The following DLG2 variants were observed in gnomAD, a reference collection of about 807,000 sequenced individuals.
DLG2 encodes discs large MAGUK scaffold protein 2.
Under a neutral mutation model 132.5 loss-of-function variants are expected in DLG2, and 45 were observed. The observed-to-expected ratio is 0.34, with a 90% CI of 0.27 to 0.44. DLG2 has a LOEUF of 0.44. Among genes scored for constraint, DLG2 ranks in the 20% least tolerant of loss-of-function variants. The pLI is 1.00. For synonymous variants in DLG2, 424 were observed against 419.6 expected (o/e 1.01, Z -0.13); for missense variants, 1,045 against 1,196.9 (o/e 0.87, Z 1.87).
Position 83,789,945 on chromosome 11 carries a change from T to G in DLG2, c.1723-3153A>C, listed in dbSNP as rs759964463. On this transcript the variant is annotated intron_variant, in intron 17 of 27. Transcript: ENST00000376104. ...CAATCTCTTTTTCTTATTCCCAAAG[T>G]GCAAGATGCAGGGTTCTCAGTCTTT... The G allele has an allele frequency of 5.0e-6, 6 of 1,197,172 alleles. No individual in the cohort carries two copies. In the East Asian group the frequency reaches 1.1e-4, roughly 22 times the overall value. The allele number at this position is 1,197,172 out of a possible 1,614,324, so 74.2% of individuals were successfully genotyped here. A position where few individuals can be genotyped will look rare whatever the true frequency, so the allele number is the denominator to read the frequency against.
intron 15 of DLG2, among the ~76,000 whole-genome samples, chr11:83,898,375 T>G (rs2072395554): frequency 6.6e-6 from 1 of 152,090 alleles, no homozygotes. Context: ...CTAGGGAGCT[T>G]TAGTTAATAC....
intron 19 of DLG2, among the ~76,000 whole-genome samples, chr11:83,605,356 C>A (rs118117646): frequency 1.3e-5 from 2 of 152,058 alleles, no homozygotes; most frequent in Non-Finnish European, 2.9e-5. Flanking sequence ...ACGACCCACT[C>A]GGCAATGGTA....
chr11:84,580,367 T>C (rs2099513540), intron 6 of DLG2, among the ~76,000 whole-genome samples: 1 of 152,214 alleles, frequency 6.6e-6, no homozygotes, highest in Admixed American at 6.5e-5. Context: ...TGCTAACTCT[T>C]TGACTTGTAC....
At chr11:83,667,925 G>A (rs1475308320) in intron 18 of DLG2, among the ~76,000 whole-genome samples, 1 of 122,392 alleles carries the variant, frequency 8.2e-6, no homozygotes, top group African/African-American at 3.1e-5. Flanking sequence ...GCAGTGAGCC[G>A]AGACCGTGCC....
chr11:85,598,421 A>G (rs1365549207), intron 3 of DLG2, among the ~76,000 whole-genome samples: 2 of 152,142 alleles, frequency 1.3e-5, no homozygotes, highest in Non-Finnish European at 2.9e-5. Flanking sequence ...CAATATTTAT[A>G]TCTTTCAATA....
At chr11:83,729,779 T>C (rs1593229361) in intron 18 of DLG2, among the ~76,000 whole-genome samples, 1 of 152,324 alleles carries the variant, frequency 6.6e-6, no homozygotes, top group East Asian at 1.9e-4. Flanking sequence ...TCTTTGTGCA[T>C]CTTAATAATT....
At chr11:84,048,965 A>G (rs1465556266) in intron 11 of DLG2, among the ~76,000 whole-genome samples, 1 of 151,736 alleles carries the variant, frequency 6.6e-6, no homozygotes, top group East Asian at 1.9e-4. Context: ...TTCAATTAAA[A>G]TTTTAATTCA....
At chr11:83,673,825 T>C (rs1007191946) in intron 18 of DLG2, among the ~76,000 whole-genome samples, 4 of 152,226 alleles carry the variant, frequency 2.6e-5, no homozygotes, top group Admixed American at 1.3e-4. Context: ...ACAGCAGCAG[T>C]AAACAAATGG....
chr11:85,086,533 C>T (rs2067949205), intron 6 of DLG2, among the ~76,000 whole-genome samples: 3 of 152,142 alleles, frequency 2.0e-5, no homozygotes, highest in Admixed American at 2.0e-4. Flanking sequence ...CCAGAAGACA[C>T]AATAATGTTA....
chr11:84,314,531 C>A (rs531814716), intron 7 of DLG2, among the ~76,000 whole-genome samples: 4 of 151,856 alleles, frequency 2.6e-5, no homozygotes, highest in Non-Finnish European at 5.9e-5. Context: ...GGAAACAGAT[C>A]TATAAATATA....
intron 3 of DLG2, among the ~76,000 whole-genome samples, chr11:85,458,973 C>A (rs987144492): frequency 6.6e-6 from 1 of 152,082 alleles, no homozygotes; most frequent in Non-Finnish European, 1.5e-5. Context: ...AGATGTGGAC[C>A]CATTATTAAT....
intron 4 of DLG2, among the ~76,000 whole-genome samples, chr11:85,200,965 A>G (rs1395401819): frequency 6.6e-6 from 1 of 152,090 alleles, no homozygotes; most frequent in African/African-American, 2.4e-5. Context: ...CAGTTGGGAA[A>G]CTAACCTGCT....
chr11:85,548,460 CG>C (rs2076464736), intron 3 of DLG2, among the ~76,000 whole-genome samples: 1 of 152,314 alleles, frequency 6.6e-6, no homozygotes, highest in East Asian at 1.9e-4. Context: ...TCAGGATACA[CG>C]GGGGTCAGGG....
chr11:85,407,411 T>C (rs548547338), intron 3 of DLG2, among the ~76,000 whole-genome samples: 6 of 151,830 alleles, frequency 4.0e-5, no homozygotes, highest in Non-Finnish European at 8.8e-5. Context: ...GTTCAAACCC[T>C]AACTCAACTA....
intron 6 of DLG2, among the ~76,000 whole-genome samples, chr11:84,869,173 G>C (rs2085084694): frequency 6.6e-6 from 1 of 152,164 alleles, no homozygotes; most frequent in Non-Finnish European, 1.5e-5. Flanking sequence ...ATACGGAATT[G>C]AACATACAAG....
intron 18 of DLG2, among the ~76,000 whole-genome samples, chr11:83,761,573 T>C (rs556688104): frequency 2.0e-4 from 30 of 152,348 alleles, no homozygotes; most frequent in African/African-American, 7.0e-4. Flanking sequence ...TGTATGCATG[T>C]ATTTCTGTCT....
chr11:84,063,671 T>C (rs2096626517), intron 10 of DLG2, among the ~76,000 whole-genome samples: 1 of 152,172 alleles, frequency 6.6e-6, no homozygotes, highest in African/African-American at 2.4e-5. Context: ...CACGTATGTT[T>C]ATTGCGGCAC....
At position 85,337,172 on chromosome 11, in the gene DLG2, T is replaced by C. The variant is rs74646143; in HGVS notation, c.41-51807A>G. Among the ~76,000 whole-genome samples, 93 of 152,360 alleles carry C rather than the reference T, an allele frequency of 6.1e-4. 1 individual carries two copies. In the East Asian group the frequency reaches 0.016, roughly 27 times the overall value. On this transcript the variant is annotated intron_variant, in intron 3 of 27. Transcript: ENST00000376104. The stretch of plus-strand genomic sequence containing the variant: ...ACTATTAATTCGCAGCATAAATTCA[T>C]CGTGGATCTTATTTCCAAATATAAT...
At chr11:85,238,193 T>G (rs2075686380) in intron 4 of DLG2, among the ~76,000 whole-genome samples, 1 of 145,114 alleles carries the variant, frequency 6.9e-6, no homozygotes, top group African/African-American at 2.5e-5. Context: ...TTTTTTTTAT[T>G]TTTTATTTTT....
Sources: gnomAD v4.1 joint callset for allele counts (sites outside exome capture counted in the v4.1 genomes callset) on GRCh38, gnomAD v4.1.1 for gene constraint, MANE v1.5 for transcripts, NCBI Gene and HGNC (gene_info 2026-07-23, HGNC 2026-07-21) for gene names.